TULP4: variants seen among roughly 807,000 people sequenced by gnomAD.
TULP4 encodes TUB like protein 4.
TULP4 carries 16 observed loss-of-function variants against 129.0 expected under a neutral mutation model. The ratio of observed to expected loss-of-function variants is 0.12; its 90% CI spans 0.08 to 0.19. The LOEUF is 0.19. Among genes scored for constraint, TULP4 ranks in the 10% least tolerant of loss-of-function variants. The probability of loss-of-function intolerance (pLI) is 1.00; values close to 1 mark genes in which losing one functional copy is unlikely to be tolerated. For synonymous variants in TULP4, 998 were observed against 854.0 expected (o/e 1.17, Z -2.94); for missense variants, 1,842 against 2,059.1 (o/e 0.89, Z 2.04).
At chr6:158,352,901 T>G (rs531572219) in intron 1 of TULP4, among the ~76,000 whole-genome samples, 39 of 152,386 alleles carry the variant, frequency 2.6e-4, no homozygotes, top group African/African-American at 7.9e-4. Flanking sequence ...AAGATGTTAT[T>G]ATGATTTAAG....
At chr6:158,273,848 A>G (rs1417517160) in intron 1 of TULP4, among the ~76,000 whole-genome samples, 8 of 152,156 alleles carry the variant, frequency 5.3e-5, no homozygotes. Context: ...ACAGATATTA[A>G]CTCATTGAAT....
chr6:158,298,561 C>T (rs1779078863), intron 1 of TULP4, among the ~76,000 whole-genome samples: 1 of 152,204 alleles, frequency 6.6e-6, no homozygotes, highest in South Asian at 2.1e-4. Flanking sequence ...TGGTCTGGCA[C>T]ATGGTATCCA....
intron 6 of TULP4, among the ~76,000 whole-genome samples, chr6:158,472,045 G>A (rs763213441): frequency 8.5e-5 from 13 of 152,172 alleles, no homozygotes; most frequent in South Asian, 6.2e-4. Flanking sequence ...CCTTCCCGCC[G>A]TTTTAGCTCA....
Position 158,502,830 on chromosome 6 carries a change from C to T in TULP4, c.3167C>T (p.Thr1056Ile). 3 of 1,613,016 alleles carry T rather than the reference C, an allele frequency of 1.9e-6. No homozygotes were observed. Among genetic ancestry groups the T allele is most frequent in the Non-Finnish European group, 8.5e-7 (1 of 1,179,914 alleles). Reference protein sequence around the residue: ...SSQPGASLAHTASASPLASQS... With the variant: ...SSQPGASLAHIASASPLASQS... ...CAGCCCGGAGCCTCCCTGGCCCATA[C>T]CGCCAGCGCCTCCCCGTTGGCCTCC... The change falls in exon 13 of 14, where the codon ACC becomes ATC. Residue 1056 changes from threonine to isoleucine, a missense_variant. Coordinates refer to ENST00000367097, the MANE Select transcript of TULP4 (RefSeq NM_020245.5).
intron 13 of TULP4, among the ~76,000 whole-genome samples, chr6:158,504,853 A>G: frequency 6.6e-6 from 1 of 152,152 alleles, no homozygotes; most frequent in East Asian, 1.9e-4. Flanking sequence ...TGTTTTTGGC[A>G]TCAGATGGTG....
In TULP4 at chr6:158,421,099, C is replaced by T. The variant is rs545085965; in HGVS notation, c.381+7906C>T. Among the ~76,000 whole-genome samples the T allele has an allele frequency of 2.5e-3, 377 of 152,216 alleles. 5 individuals carry two copies. The highest frequency in any genetic ancestry group is 8.8e-3 in the African/African-American group (364 of 41,546). On this transcript the variant is annotated intron_variant, in intron 2 of 13. Transcript: ENST00000367097. ...ATTGGTGGCCGGGCGCGGTGGCTCA[C>T]GCCTGTAATCCCAGCACTTTGGGAG... is the stretch of plus-strand genomic sequence containing the variant.
At position 158,443,768 on chromosome 6, in the gene TULP4, T is replaced by TAA. The variant is rs924193891; in HGVS notation, c.544-5218_544-5217dup. Among the ~76,000 whole-genome samples, 4 of 149,846 alleles carry TAA rather than the reference T, an allele frequency of 2.7e-5. 1 individual carries two copies. Among genetic ancestry groups the TAA allele is most frequent in the South Asian group, 4.3e-4 (2 of 4,672 alleles). On this transcript the variant is annotated intron_variant, in intron 3 of 13. Coordinates refer to ENST00000367097, the MANE Select transcript of TULP4 (RefSeq NM_020245.5). ...AACTGTGAAATTACATTTCATCTTT[T>TAA]AAAAAAAAAAACAGGAAATATTCTG...
At chr6:158,452,821 T>A (rs945038357) in intron 5 of TULP4, among the ~76,000 whole-genome samples, 9 of 152,212 alleles carry the variant, frequency 5.9e-5, no homozygotes, top group African/African-American at 2.2e-4. Flanking sequence ...TTATGAGTGT[T>A]GTTATCTCAA....
intron 1 of TULP4, among the ~76,000 whole-genome samples, chr6:158,342,947 ATGTGTGTGTGTGTGTGTGTGTGTGTG>A (rs5881254): frequency 7.5e-5 from 11 of 147,518 alleles, no homozygotes; most frequent in Non-Finnish European, 1.5e-4. Context: ...TTAAAAATAA[ATGTGTGTGTGTGTGTGTGTGTGTGTG>A]TGTGTGTGTG....
chr6:158,274,636 G>T (rs1249070435), intron 1 of TULP4, among the ~76,000 whole-genome samples: 1 of 152,156 alleles, frequency 6.6e-6, no homozygotes, highest in Non-Finnish European at 1.5e-5. Flanking sequence ...AATCAGCCGG[G>T]TGTGGTGGCG....
At chr6:158,415,355 T>G (rs1778183536) in intron 2 of TULP4, among the ~76,000 whole-genome samples, 1 of 149,752 alleles carries the variant, frequency 6.7e-6, no homozygotes, top group Non-Finnish European at 1.5e-5. Context: ...GCTTCTTTTT[T>G]TTTTTTTTTT....
chr6:158,341,174 GA>G (rs779507528), intron 1 of TULP4, among the ~76,000 whole-genome samples: 8 of 152,060 alleles, frequency 5.3e-5, no homozygotes, highest in African/African-American at 9.7e-5. Flanking sequence ...ACGTATGAGT[GA>G]AAACCACACG....
In TULP4 at chr6:158,415,395, G is replaced by C. The variant is rs530561682; in HGVS notation, c.381+2202G>C. 2.3e-3 allele frequency among the ~76,000 whole-genome samples: 344 copies of C among 149,496 alleles called. 3 individuals are homozygous for C. The highest frequency in any genetic ancestry group is 8.2e-3 in the African/African-American group (335 of 40,650). ...GACGGAGTCACGCTCTGTCGCCCAGGCTGGAGTGCAGGGGCACGATCTCAA... is the reference window on the plus strand; with the variant it reads ...GACGGAGTCACGCTCTGTCGCCCAGCCTGGAGTGCAGGGGCACGATCTCAA... On this transcript the variant is annotated intron_variant, in intron 2 of 13. Coordinates refer to ENST00000367097, the MANE Select transcript of TULP4 (RefSeq NM_020245.5).
chr6:158,490,255 G>T (rs1294410239), intron 9 of TULP4, among the ~76,000 whole-genome samples: 2 of 152,164 alleles, frequency 1.3e-5, no homozygotes, highest in African/African-American at 4.8e-5. Flanking sequence ...AATTAGCCAG[G>T]CGTGGTGGCG....
intron 9 of TULP4, among the ~76,000 whole-genome samples, chr6:158,491,151 A>G (rs1044498755): frequency 1.6e-4 from 25 of 152,290 alleles, no homozygotes; most frequent in Admixed American, 5.9e-4. Flanking sequence ...GCAATTTCCA[A>G]GAGAGTCCCA....
chr6:158,506,633 C>T lies in TULP4; in HGVS notation c.4571C>T (p.Pro1524Leu), dbSNP rs1189186554. ...GCGTACATTCTAGACTTCCAGTATC[C>T]GTTCTCAGCCGTGCAGGCCTTTGCA... ...GSAYILDFQY[P>L]FSAVQAFAVA... The change falls in exon 14 of 14, where the codon CCG becomes CTG. Residue 1524 changes from proline to leucine, a missense_variant. By Grantham distance (98) the Pro-to-Leu change is moderately conservative. Coordinates refer to ENST00000367097, the MANE Select transcript of TULP4 (RefSeq NM_020245.5). 6.2e-7 allele frequency: 1 copy of T among 1,613,986 alleles called. No homozygotes were observed. Among genetic ancestry groups the T allele is most frequent in the African/African-American group, 1.3e-5 (1 of 74,914 alleles).
chr6:158,423,114 C>CA (rs1485704909), intron 2 of TULP4, among the ~76,000 whole-genome samples: 10 of 41,056 alleles, frequency 2.4e-4, no homozygotes, highest in Non-Finnish European at 3.4e-4. Context: ...CCTTCCTCCA[C>CA]AAAAAAGAGG....
chr6:158,461,371 A>T (rs1178741811), intron 5 of TULP4, among the ~76,000 whole-genome samples, 192 bp from the exon 6 acceptor site: 1 of 151,464 alleles, frequency 6.6e-6, no homozygotes, highest in Non-Finnish European at 1.5e-5. Flanking sequence ...AGATCACGCC[A>T]TTGCACTCCA....
At chr6:158,288,735 C>T (rs1250384267) in intron 1 of TULP4, among the ~76,000 whole-genome samples, 2 of 152,114 alleles carry the variant, frequency 1.3e-5, no homozygotes, top group South Asian at 4.1e-4. Flanking sequence ...CTCCTGACCT[C>T]GTGATCCACC....
Sources: allele counts gnomAD v4.1 joint callset (sites outside exome capture counted in the v4.1 genomes callset), GRCh38; gene constraint gnomAD v4.1.1; transcripts MANE v1.5; gene names NCBI Gene and HGNC (gene_info 2026-07-23, HGNC 2026-07-21).